Variants in PPP2R5E observed in about 807,000 individuals in gnomAD.
PPP2R5E encodes protein phosphatase 2 regulatory subunit B'epsilon.
A neutral mutation model predicts 65.3 loss-of-function variants in PPP2R5E; 4 were observed. The observed-to-expected ratio is 0.06, with a 90% CI of 0.03 to 0.14. PPP2R5E has a LOEUF of 0.14. Among genes scored for constraint, PPP2R5E ranks in the 10% least tolerant of loss-of-function variants. The probability of loss-of-function intolerance (pLI) is 1.00; values close to 1 mark genes in which losing one functional copy is unlikely to be tolerated. For missense variants in PPP2R5E, 274 were observed against 556.1 expected (o/e 0.49, Z 5.10); for synonymous variants, 183 against 187.4 (o/e 0.98, Z 0.19).
chr14:63,455,308 C>T lies in PPP2R5E; in HGVS notation c.158-1423G>A, dbSNP rs559931380. Among the ~76,000 whole-genome samples the T allele has an allele frequency of 5.9e-5, 9 of 152,192 alleles. No individual in the cohort carries two copies. In the South Asian group the frequency reaches 8.3e-4, roughly 14 times the overall value. On this transcript the variant is annotated intron_variant, in intron 2 of 13. Coordinates refer to ENST00000337537, the MANE Select transcript of PPP2R5E (RefSeq NM_006246.5). ...GACCTCACAGGCAATTCTGGCAAAA[C>T]ACTGCCAGTTAAGTAAACCTAGATG...
intron 3 of PPP2R5E, among the ~76,000 whole-genome samples, chr14:63,428,663 C>A (rs1336673662): frequency 6.6e-6 from 1 of 152,072 alleles, no homozygotes. Flanking sequence ...CAAAAAAAGT[C>A]AAATTCTTGG....
intron 3 of PPP2R5E, among the ~76,000 whole-genome samples, chr14:63,448,539 C>T (rs1347615914): frequency 6.6e-6 from 1 of 152,054 alleles, no homozygotes; most frequent in Non-Finnish European, 1.5e-5. Flanking sequence ...GCCTGTAATC[C>T]CAGCACTTTG....
At chr14:63,389,497 G>A in intron 11 of PPP2R5E, 115 bp downstream of exon 11, 1 of 1,213,740 alleles carries the variant, frequency 8.2e-7, no homozygotes, top group Non-Finnish European at 1.1e-6. Flanking sequence ...ATCATCATGT[G>A]AGGGGATAGC....
chr14:63,411,068 C>T (rs1886364291), intron 5 of PPP2R5E, among the ~76,000 whole-genome samples: 1 of 152,182 alleles, frequency 6.6e-6, no homozygotes, highest in South Asian at 2.1e-4. Context: ...GCACTTAGGG[C>T]AGGATCATCA....
intron 2 of PPP2R5E, among the ~76,000 whole-genome samples, chr14:63,529,527 G>C (rs1893323058): frequency 1.3e-5 from 2 of 150,798 alleles, no homozygotes; most frequent in African/African-American, 4.9e-5. Flanking sequence ...CGCCCGGCTA[G>C]TTTTTTTTTG....
intron 2 of PPP2R5E, among the ~76,000 whole-genome samples, chr14:63,503,480 C>A (rs1891999989): frequency 6.6e-6 from 1 of 152,164 alleles, no homozygotes; most frequent in South Asian, 2.1e-4. Flanking sequence ...AGCAAATCAA[C>A]AACTCCAACC....
intron 10 of PPP2R5E, among the ~76,000 whole-genome samples, chr14:63,389,938 G>A (rs1324061012): frequency 6.6e-6 from 1 of 152,030 alleles, no homozygotes; most frequent in Non-Finnish European, 1.5e-5. Flanking sequence ...CTACGTACTT[G>A]GAAAAAATAC....
chr14:63,473,483 G>C (rs1890233764), intron 2 of PPP2R5E, among the ~76,000 whole-genome samples: 1 of 152,208 alleles, frequency 6.6e-6, no homozygotes, highest in South Asian at 2.1e-4. Context: ...CCAAGATGAT[G>C]AAGTGCCCGC....
chr14:63,444,828 G>C (rs989126451), intron 3 of PPP2R5E, among the ~76,000 whole-genome samples: 4 of 152,172 alleles, frequency 2.6e-5, no homozygotes, highest in Admixed American at 2.6e-4. Context: ...AAGCAGAATG[G>C]AGCAAAGCCT....
chr14:63,487,353 A>ACC (rs142693850), intron 2 of PPP2R5E, among the ~76,000 whole-genome samples: 16 of 150,702 alleles, frequency 1.1e-4, no homozygotes, highest in African/African-American at 3.2e-4. Flanking sequence ...ATAATTTACC[A>ACC]CCCCCCCCTC....
At chr14:63,446,404 G>A (rs1888477592) in intron 3 of PPP2R5E, among the ~76,000 whole-genome samples, 1 of 152,118 alleles carries the variant, frequency 6.6e-6, no homozygotes, top group Admixed American at 6.5e-5. Context: ...GTTTTGCCCA[G>A]ATCCATCAGA....
At chr14:63,377,167 A>T (rs956600647) in intron 13 of PPP2R5E, among the ~76,000 whole-genome samples, 19 of 152,102 alleles carry the variant, frequency 1.2e-4, no homozygotes, top group African/African-American at 3.6e-4. Context: ...AATAAAAAAA[A>T]AAAAATGCTG....
intron 2 of PPP2R5E, among the ~76,000 whole-genome samples, chr14:63,506,290 A>T (rs1375434881): frequency 2.0e-5 from 3 of 152,000 alleles, no homozygotes; most frequent in Non-Finnish European, 2.9e-5. Flanking sequence ...CTCTACTAAA[A>T]ATACAAAAAA....
chr14:63,409,026 G>GT (rs1886243457), intron 5 of PPP2R5E, among the ~76,000 whole-genome samples: 1 of 152,188 alleles, frequency 6.6e-6, no homozygotes, highest in Non-Finnish European at 1.5e-5. Context: ...GAGGTTGGGA[G>GT]TTTAAGACCA....
intron 5 of PPP2R5E, among the ~76,000 whole-genome samples, chr14:63,412,172 A>G (rs1219821922): frequency 6.6e-6 from 1 of 152,218 alleles, no homozygotes; most frequent in Non-Finnish European, 1.5e-5. Context: ...ACAACCAACA[A>G]TAAGCCAGGC....
intron 2 of PPP2R5E, among the ~76,000 whole-genome samples, chr14:63,525,878 G>A (rs1342758263): frequency 2.0e-5 from 3 of 151,980 alleles, no homozygotes; most frequent in Non-Finnish European, 4.4e-5. Context: ...TTTTTTTTGA[G>A]ATGGAGTTTT....
intron 2 of PPP2R5E, among the ~76,000 whole-genome samples, chr14:63,519,860 C>T (rs1892823968): frequency 6.6e-6 from 1 of 151,712 alleles, no homozygotes; most frequent in Admixed American, 6.6e-5. Flanking sequence ...TGGGGTTTCA[C>T]CATGTTGATC....
chr14:63,500,192 A>C lies in PPP2R5E; in HGVS notation c.157+39337T>G, dbSNP rs112002557. ...CTTTGATATTGAAAGTCTATGAGAA[A>C]TAAATGTGTTTTTAAAAAATTAGTT... On this transcript the variant is annotated intron_variant, in intron 2 of 13. Coordinates refer to ENST00000337537, the MANE Select transcript of PPP2R5E (RefSeq NM_006246.5). Among the ~76,000 whole-genome samples, 1,315 of 152,344 alleles carry C rather than the reference A, an allele frequency of 8.6e-3. 11 individuals are homozygous for C. The highest frequency in any genetic ancestry group is 0.014 in the Non-Finnish European group (921 of 68,042).
chr14:63,406,360 G>A (rs1188035831), intron 5 of PPP2R5E, among the ~76,000 whole-genome samples: 25 of 149,332 alleles, frequency 1.7e-4, no homozygotes, highest in Non-Finnish European at 5.9e-5. Context: ...GCCGTGAGCC[G>A]AGATCGAGCC....
Sources: gnomAD v4.1 joint callset for allele counts (sites outside exome capture counted in the v4.1 genomes callset) on GRCh38, gnomAD v4.1.1 for gene constraint, MANE v1.5 for transcripts, NCBI Gene and HGNC (gene_info 2026-07-23, HGNC 2026-07-21) for gene names.